Variants in EIF3CL observed in about 807,000 individuals in gnomAD.
The protein encoded by EIF3CL is eukaryotic translation initiation factor 3 subunit C-like protein.
For synonymous variants in EIF3CL, 2 were observed against 19.6 expected (o/e 0.10, Z 2.37); for missense variants, 5 against 56.1 (o/e 0.09, Z 2.91).
chr16:28,416,885 G>T, the EIF3CL span, among the ~76,000 whole-genome samples: 1 of 89,032 alleles, frequency 1.1e-5, no homozygotes, highest in Non-Finnish European at 2.4e-5. Context: ...GAGGGAGGTG[G>T]GGGGGGTCAG....
the EIF3CL span, among the ~76,000 whole-genome samples, chr16:28,425,512 A>G: frequency 1.9e-5 from 2 of 104,408 alleles, 1 homozygote; most frequent in Non-Finnish European, 3.9e-5. Flanking sequence ...CAACAGTCTG[A>G]TTAACTCGAT....
chr16:28,414,323 G>A, the EIF3CL span: 4 of 300,232 alleles, frequency 1.3e-5, no homozygotes, highest in Non-Finnish European at 2.6e-5. Flanking sequence ...TTGAACCCGG[G>A]AGGCGGAGGC....
the EIF3CL span, among the ~76,000 whole-genome samples, chr16:28,417,253 C>G: frequency 1.3e-5 from 2 of 149,650 alleles, no homozygotes; most frequent in African/African-American, 5.0e-5. Flanking sequence ...GCGCCTCTGC[C>G]CGGCCGCCCC....
the EIF3CL span, among the ~76,000 whole-genome samples, chr16:28,416,883 TG>T: frequency 2.7e-4 from 18 of 65,630 alleles, no homozygotes; most frequent in Non-Finnish European, 4.5e-4. Context: ...GGGAGGGAGG[TG>T]GGGGGGGTCA....
At chr16:28,418,684 C>T in the EIF3CL span, among the ~76,000 whole-genome samples, 1 of 151,666 alleles carries the variant, frequency 6.6e-6, no homozygotes, top group African/African-American at 2.4e-5. Flanking sequence ...GGCTGGAGTA[C>T]AGTGGTATGA....
At chr16:28,416,794 C>T in the EIF3CL span, among the ~76,000 whole-genome samples, 45 of 79,700 alleles carry the variant, frequency 5.6e-4, no homozygotes, top group South Asian at 1.0e-3. Context: ...CCGCCCCGTC[C>T]GGGAGGTGAG....
the EIF3CL span, among the ~76,000 whole-genome samples, chr16:28,423,754 C>T: frequency 3.5e-5 from 3 of 85,188 alleles, no homozygotes; most frequent in East Asian, 1.1e-3. Context: ...TACATTTGCA[C>T]AAGCTTTGTA....
the EIF3CL span, chr16:28,414,715 A>G: frequency 5.4e-6 from 2 of 369,946 alleles, no homozygotes; most frequent in Non-Finnish European, 1.1e-5. Flanking sequence ...CTGCGCGTCT[A>G]GAAAGCAGGT....
chr16:28,418,776 C>A, the EIF3CL span, among the ~76,000 whole-genome samples: 1 of 149,414 alleles, frequency 6.7e-6, no homozygotes, highest in Non-Finnish European at 1.5e-5. Flanking sequence ...ATTACAGGCA[C>A]CTGCCACCAC....
At chr16:28,416,780 C>A in the EIF3CL span, among the ~76,000 whole-genome samples, 3 of 107,326 alleles carry the variant, frequency 2.8e-5, 1 homozygote, top group African/African-American at 1.0e-4. Context: ...CCCCACCCGG[C>A]CAGCCGCCCC....
At chr16:28,421,602 G>A in the EIF3CL span, among the ~76,000 whole-genome samples, 2 of 23,778 alleles carry the variant, frequency 8.4e-5, no homozygotes, top group East Asian at 1.5e-3. Context: ...TGGATCACTC[G>A]AGGCCAGGAG....
the EIF3CL span, chr16:28,414,639 T>A: frequency 6.5e-6 from 2 of 305,590 alleles, no homozygotes; most frequent in East Asian, 2.1e-4. Flanking sequence ...GGCTGACTGC[T>A]AGTGCATGGA....
the EIF3CL span, among the ~76,000 whole-genome samples, chr16:28,421,942 G>GC: frequency 1.9e-4 from 11 of 57,584 alleles, no homozygotes; most frequent in Non-Finnish European, 4.1e-4. Flanking sequence ...AATGCTACTG[G>GC]AACTGCAGTT....
chr16:28,412,267 G>A, the EIF3CL span, among the ~76,000 whole-genome samples: 1 of 12,924 alleles, frequency 7.7e-5, no homozygotes, highest in Non-Finnish European at 1.3e-4. Context: ...CTAGTAGCTA[G>A]TTTTTTTTTT....
the EIF3CL span, chr16:28,414,723 G>A: frequency 2.7e-6 from 1 of 374,368 alleles, no homozygotes; most frequent in Non-Finnish European, 5.4e-6. Flanking sequence ...CTAGAAAGCA[G>A]GTGGTGCAGG....
At position 28,382,533 on chromosome 16, in the gene EIF3CL, AG is replaced by A. The variant is rs1160850144; in HGVS notation, c.2185+584del. Among the ~76,000 whole-genome samples the A allele has an allele frequency of 1.7e-5, 2 of 115,274 alleles. 1 individual carries two copies. The allele number at this position is 115,274 out of a possible 152,430, so 75.6% of individuals were successfully genotyped here. On this transcript the variant is annotated intron_variant, in intron 16 of 20. Coordinates refer to ENST00000380876, the MANE Select transcript of EIF3CL (RefSeq NM_001317857.2). The stretch of plus-strand genomic sequence containing the variant: ...ACATAAGCCAAACAAAATGTGCCTA[AG>A]GGAACCTGCCCTTTAGCCCAAACAT...
chr16:28,417,344 G>T, the EIF3CL span, among the ~76,000 whole-genome samples: 2 of 143,860 alleles, frequency 1.4e-5, no homozygotes, highest in South Asian at 2.1e-4. Flanking sequence ...GAACGGGCCA[G>T]GATGACAATG....
At chr16:28,410,790 G>T in the EIF3CL span, among the ~76,000 whole-genome samples, 1 of 142,380 alleles carries the variant, frequency 7.0e-6, no homozygotes, top group Non-Finnish European at 1.5e-5. Flanking sequence ...GTAGAGACGG[G>T]GGGGGCCTCA....
At chr16:28,419,223 GT>G in the EIF3CL span, among the ~76,000 whole-genome samples, 1 of 151,018 alleles carries the variant, frequency 6.6e-6, no homozygotes, top group South Asian at 2.1e-4. Context: ...AGCCAGGATG[GT>G]CTCAATCTCC....
Sources: allele counts gnomAD v4.1 joint callset (sites outside exome capture counted in the v4.1 genomes callset), GRCh38; gene constraint gnomAD v4.1.1; transcripts MANE v1.5; gene names NCBI Gene and HGNC (gene_info 2026-07-23, HGNC 2026-07-21).